The following LMTK2 variants were observed in gnomAD, a reference collection of about 807,000 sequenced individuals.
The protein encoded by LMTK2 is lemur tail kinase 2, also known as serine/threonine-protein kinase LMTK2.
In LMTK2, 37 loss-of-function variants were observed where a neutral mutation model predicts 127.5. The observed-to-expected ratio is 0.29, with a 90% CI of 0.22 to 0.38. The LOEUF (loss-of-function observed/expected upper bound fraction) is 0.38, where lower values mean the gene tolerates loss of function less well. Among genes scored for constraint, LMTK2 ranks in the 10% least tolerant of loss-of-function variants. The pLI is 1.00. For synonymous variants in LMTK2, 819 were observed against 810.1 expected, an observed-to-expected ratio of 1.01 and a Z score of -0.19; for missense variants, 1,694 against 1,920.3, an observed-to-expected ratio of 0.88 and a Z score of 2.20.
intron 6 of LMTK2, among the ~76,000 whole-genome samples, chr7:98,163,420 A>G (rs1014330905): frequency 6.6e-6 from 1 of 152,168 alleles, no homozygotes. Flanking sequence ...TGGCGTGGCC[A>G]GTCATATATC....
intron 1 of LMTK2, among the ~76,000 whole-genome samples, chr7:98,119,140 C>G (rs1372953832): frequency 2.0e-5 from 3 of 151,570 alleles, no homozygotes; most frequent in African/African-American, 7.3e-5. Context: ...CCCAAACTAA[C>G]CAGCTGAATC....
chr7:98,197,493 G>A (rs950369987), intron 11 of LMTK2, among the ~76,000 whole-genome samples: 1 of 152,154 alleles, frequency 6.6e-6, no homozygotes, highest in Non-Finnish European at 1.5e-5. Context: ...CAAAAGTAGC[G>A]GGTAATGATG....
At chr7:98,197,393 C>G (rs944174725) in intron 11 of LMTK2, among the ~76,000 whole-genome samples, 1 of 152,246 alleles carries the variant, frequency 6.6e-6, no homozygotes, top group Non-Finnish European at 1.5e-5. Flanking sequence ...CCTGCCACCT[C>G]TTGCATGCAC....
chr7:98,107,432 G>T (rs1433840621), intron 1 of LMTK2, 152 bp downstream of exon 1: 2 of 321,254 alleles, frequency 6.2e-6, no homozygotes, highest in Non-Finnish European at 1.1e-5. Flanking sequence ...GATTTCTGCC[G>T]CAGGGGCGTG....
Position 98,191,955 on chromosome 7 carries a change from G to A in LMTK2, c.1490G>A (p.Gly497Asp), listed in dbSNP as rs149327893. The change falls in exon 11 of 14, where the codon GGC (glycine) becomes GAC (aspartate). Residue 497 changes from glycine to aspartate, a missense_variant. By Grantham distance (94) the Gly-to-Asp change is moderately conservative. Transcript: ENST00000297293. ...CGCAGCCGGGGCCACCTGGACGAAGGCTTGTCCTACACGAGCATCTTCTAT... is the reference window on the plus strand; with the variant it reads ...CGCAGCCGGGGCCACCTGGACGAAGACTTGTCCTACACGAGCATCTTCTAT... ...DERSRGHLDE[G>D]LSYTSIFYPV... 1.9e-6 allele frequency: 3 copies of A among 1,614,092 alleles called. No homozygotes were observed. Among genetic ancestry groups the A allele is most frequent in the East Asian group, 2.2e-5 (1 of 44,878 alleles).
intron 5 of LMTK2, among the ~76,000 whole-genome samples, chr7:98,157,640 TAAAAA>T (rs34715220): frequency 8.7e-6 from 1 of 114,388 alleles, no homozygotes; most frequent in Non-Finnish European, 1.8e-5. Flanking sequence ...GCTCCCACAT[TAAAAA>T]AAAAAAAAAA....
rs552213784 is a variant in LMTK2, at chr7:98,188,519, A to G, written c.998+1521A>G. On this transcript the variant is annotated intron_variant, in intron 9 of 13. Coordinates refer to ENST00000297293, the MANE Select transcript of LMTK2 (RefSeq NM_014916.4). ...TGCTGTGTTGCCCAGGCTGGTCTTG[A>G]ACTCCTGGCCCCAAGCAATCCTCAT... Among the ~76,000 whole-genome samples the G allele has an allele frequency of 1.2e-4, 18 of 152,084 alleles. No individual in the cohort carries two copies. In the South Asian group the frequency reaches 3.7e-3, roughly 32 times the overall value.
In LMTK2 at chr7:98,192,439, C is replaced by T. The variant is rs73710388; in HGVS notation, c.1974C>T (p.Asn658=). The T allele has an allele frequency of 5.9e-4, 953 of 1,613,180 alleles. 9 individuals carry two copies. The African/African-American group carries it at 0.011, about 19-fold the overall frequency. ...AAATATTCGACTTAATGGAATTAAA[C>T]GGAGTTCAAGCCGACTTTAAACCTG... ...HQKIFDLMEL[N]GVQADFKPAT... is the part of the protein sequence containing the mutation. The change falls in exon 11 of 14, where the codon AAC becomes AAT. Residue 658 remains asparagine (N), a synonymous_variant. Coordinates refer to ENST00000297293, the MANE Select transcript of LMTK2 (RefSeq NM_014916.4).
chr7:98,180,940 G>GGA (rs1422722109), intron 7 of LMTK2, among the ~76,000 whole-genome samples: 2 of 151,840 alleles, frequency 1.3e-5, no homozygotes, highest in African/African-American at 2.4e-5. Context: ...GCAGACTGAG[G>GGA]GAGAGAGAGA....
Position 98,175,819 on chromosome 7 carries a change from C to T in LMTK2, c.791+4145C>T, listed in dbSNP as rs936451629. On this transcript the variant is annotated intron_variant, in intron 7 of 13. Transcript: ENST00000297293. ...GACTGTAATCAGCCGAGTAGCTACA[C>T]TGGGAAGGTGATTAAAGAGCTTTCA... Among the ~76,000 whole-genome samples the T allele has an allele frequency of 3.3e-4, 51 of 152,330 alleles. 1 individual carries two copies. Among genetic ancestry groups the T allele is most frequent in the African/African-American group, 1.1e-3 (46 of 41,576 alleles).
chr7:98,192,034 T>C lies in LMTK2; in HGVS notation c.1569T>C (p.Asp523=). Residue 523 remains aspartate (D), a synonymous_variant, in exon 11 of 14, where the codon GAT becomes GAC. Coordinates refer to ENST00000297293, the MANE Select transcript of LMTK2 (RefSeq NM_014916.4). The stretch of plus-strand genomic sequence containing the variant: ...CAGATCCTGGGCCCGGAAAGCAAGA[T>C]GACAGCGGCCAGGATGTCCCCCTGA... ...SLSDPGPGKQ[D]DSGQDVPLRV... is the part of the protein sequence containing the mutation. The C allele has an allele frequency of 1.9e-6, 3 of 1,606,100 alleles. No homozygotes were observed. The highest frequency in any genetic ancestry group is 2.2e-5 in the East Asian group (1 of 44,700).
chr7:98,146,186 C>G (rs1489627919), intron 3 of LMTK2, among the ~76,000 whole-genome samples: 1 of 152,104 alleles, frequency 6.6e-6, no homozygotes, highest in Non-Finnish European at 1.5e-5. Context: ...ATCTGTATGT[C>G]TGTCCCTGTG....
At position 98,205,726 on chromosome 7, in the gene LMTK2, C is replaced by T. The variant is rs1468025214; in HGVS notation, c.*234C>T. Reference sequence around the variant, plus strand: ...CGGCGTCCCTCAGTGCCCCGTGCACCCGCGGCCGCGGCCTCCCAGGCAGTG... The same window carrying T: ...CGGCGTCCCTCAGTGCCCCGTGCACTCGCGGCCGCGGCCTCCCAGGCAGTG... On this transcript the variant is annotated 3_prime_UTR_variant, in exon 14 of 14. Transcript: ENST00000297293. The T allele has an allele frequency of 3.4e-6, 2 of 581,180 alleles. No individual in the cohort carries two copies. The highest frequency in any genetic ancestry group is 6.2e-6 in the Non-Finnish European group (2 of 324,388). The allele number at this position is 581,180 out of a possible 1,614,324, so 36.0% of individuals were successfully genotyped here.
rs748758231 is a variant in LMTK2, at chr7:98,203,589, G to C, written c.4123G>C (p.Glu1375Gln). The change falls in exon 12 of 14, where the codon GAG becomes CAG. Residue 1375 changes from glutamate to glutamine, a missense_variant. Glu to Gln is a conservative substitution (Grantham distance 29). Coordinates refer to ENST00000297293, the MANE Select transcript of LMTK2 (RefSeq NM_014916.4). ...GACTTTTCAGGAGACCCCAACCAAA[G>C]AGCTGGGGCCCTGTGGAGGAGAGGC... ...YLFDQETPTK[E>Q]LGPCGGEACG... The C allele has an allele frequency of 1.9e-6, 3 of 1,592,712 alleles. No individual in the cohort carries two copies. The highest frequency in any genetic ancestry group is 4.5e-5 in the East Asian group (2 of 44,716).
intron 1 of LMTK2, among the ~76,000 whole-genome samples, chr7:98,121,771 C>T (rs1010955550): frequency 2.6e-5 from 4 of 152,060 alleles, no homozygotes; most frequent in South Asian, 2.1e-4. Flanking sequence ...GAGGCTGAGG[C>T]GGCTGGATCG....
intron 3 of LMTK2, among the ~76,000 whole-genome samples, chr7:98,144,267 A>T (rs1022663466): frequency 3.3e-5 from 5 of 151,904 alleles, no homozygotes; most frequent in Admixed American, 2.0e-4. Context: ...CGTCTCTACT[A>T]AAAATACAAA....
rs1318205617 is a variant in LMTK2, at chr7:98,171,858, A to G, written c.791+184A>G. Among the ~76,000 whole-genome samples the G allele has an allele frequency of 6.6e-6, 1 of 152,274 alleles. No individual in the cohort carries two copies. Among genetic ancestry groups the G allele is most frequent in the African/African-American group, 2.4e-5 (1 of 41,466 alleles). On this transcript the variant is annotated intron_variant, in intron 7 of 13. Coordinates refer to ENST00000297293, the MANE Select transcript of LMTK2 (RefSeq NM_014916.4). This position sits in a 1 kb window ranked among gnomAD's most constrained non-coding sequence, Gnocchi z 5.1. ...GGTTGAGTTGGGCTTCATTGAAACC[A>G]GTACCAGGGAATAAGATGTCTTAAT...
At chr7:98,155,455 A>T (rs1796913630) in intron 5 of LMTK2, among the ~76,000 whole-genome samples, 1 of 152,228 alleles carries the variant, frequency 6.6e-6, no homozygotes, top group Non-Finnish European at 1.5e-5. Context: ...AATTGAGAAA[A>T]TGCTAAACAG....
intron 5 of LMTK2, among the ~76,000 whole-genome samples, chr7:98,158,032 C>T (rs180859603): frequency 2.8e-4 from 42 of 152,282 alleles, no homozygotes; most frequent in African/African-American, 9.1e-4. Context: ...AAGGGTATAC[C>T]AGGCCTCTCT....
Sources: gnomAD v4.1 joint callset for allele counts (sites outside exome capture counted in the v4.1 genomes callset) on GRCh38, gnomAD v4.1.1 for gene constraint, Gnocchi (gnomAD v3.1) non-coding constraint, MANE v1.5 for transcripts, NCBI Gene and HGNC (gene_info 2026-07-23, HGNC 2026-07-21) for gene names.